The following WDR70 variants were observed in gnomAD, a reference collection of about 807,000 sequenced individuals.
The protein encoded by WDR70 is WD repeat domain 70.
Under a neutral mutation model 88.6 loss-of-function variants are expected in WDR70, and 53 were observed. The ratio of observed to expected loss-of-function variants is 0.60; its 90% confidence interval spans 0.48 to 0.75. WDR70 has a LOEUF of 0.75. Ranked by LOEUF, WDR70 falls within the 30% of genes least tolerant of loss-of-function variation. The probability of loss-of-function intolerance (pLI) is 0.00; values close to 1 mark genes in which losing one functional copy is unlikely to be tolerated. For synonymous variants in WDR70, 280 were observed against 270.0 expected (o/e 1.04, Z -0.36); for missense variants, 610 against 823.2 (o/e 0.74, Z 3.17).
At chr5:37,655,151 A>C (rs999888206) in intron 10 of WDR70, among the ~76,000 whole-genome samples, 1 of 152,110 alleles carries the variant, frequency 6.6e-6, no homozygotes, top group Non-Finnish European at 1.5e-5. Flanking sequence ...TGGTGACAGA[A>C]TCTCTCAGCT....
At chr5:37,453,330 A>G (rs1738732445) in intron 7 of WDR70, among the ~76,000 whole-genome samples, 1 of 152,210 alleles carries the variant, frequency 6.6e-6, no homozygotes, top group African/African-American at 2.4e-5. Context: ...ACAGCAAGCC[A>G]GTCATTAGCA....
chr5:37,585,963 A>C (rs1479651970), intron 9 of WDR70, among the ~76,000 whole-genome samples: 1 of 152,122 alleles, frequency 6.6e-6, no homozygotes, highest in Non-Finnish European at 1.5e-5. Context: ...CTACCCCTCA[A>C]GTTGTAACTA....
At chr5:37,450,476 A>T (rs1738641541) in intron 7 of WDR70, among the ~76,000 whole-genome samples, 1 of 152,146 alleles carries the variant, frequency 6.6e-6, no homozygotes, top group African/African-American at 2.4e-5. Flanking sequence ...GTTCATACTG[A>T]TGTTCTAACT....
At chr5:37,592,512 G>T (rs1217439409) in intron 9 of WDR70, among the ~76,000 whole-genome samples, 1 of 152,212 alleles carries the variant, frequency 6.6e-6, no homozygotes, top group Non-Finnish European at 1.5e-5. Context: ...ACCAGAATAC[G>T]TGTATCAACT....
intron 2 of WDR70, among the ~76,000 whole-genome samples, chr5:37,381,393 G>A (rs1294768524): frequency 6.6e-6 from 1 of 152,308 alleles, no homozygotes; most frequent in East Asian, 1.9e-4. Context: ...AGGAGGATGG[G>A]AAAGTTGCCT....
intron 9 of WDR70, among the ~76,000 whole-genome samples, chr5:37,604,332 A>G (rs2112474457): frequency 6.6e-6 from 1 of 152,362 alleles, no homozygotes; most frequent in Middle Eastern, 3.4e-3. Flanking sequence ...ATGTTGTTCC[A>G]TAGTGGTTAG....
intron 10 of WDR70, among the ~76,000 whole-genome samples, chr5:37,681,868 A>G (rs1311926875): frequency 6.6e-6 from 1 of 152,084 alleles, no homozygotes; most frequent in African/African-American, 2.4e-5. Context: ...ATGTTCATCA[A>G]GGATATTGGC....
chr5:37,566,364 A>T (rs998848625), intron 9 of WDR70, among the ~76,000 whole-genome samples: 1 of 152,106 alleles, frequency 6.6e-6, no homozygotes. Flanking sequence ...TTAATTACCC[A>T]GTATTATTTA....
Position 37,659,343 on chromosome 5 carries a change from ATG to A in WDR70, c.1093-38310_1093-38309del, listed in dbSNP as rs374492872. Among the ~76,000 whole-genome samples the A allele has an allele frequency of 1.4e-4, 22 of 152,152 alleles. 2 individuals are homozygous for A. The highest frequency in any genetic ancestry group is 4.3e-4 in the African/African-American group (18 of 41,550). On this transcript the variant is annotated intron_variant, in intron 10 of 17. Transcript: ENST00000265107. ...TTGATACAGATTTTTATTTAATTCC[ATG>A]TTTTTGATATTCTTGAAAATAGTAT...
At chr5:37,396,621 G>A (rs1366142847) in intron 5 of WDR70, 51 bp downstream of exon 5, 9 of 1,514,746 alleles carry the variant, frequency 5.9e-6, no homozygotes, top group Non-Finnish European at 7.0e-6. Flanking sequence ...TATCTTTACT[G>A]TAGAGATCAG....
intron 14 of WDR70, chr5:37,721,965 A>C (rs552516464): frequency 6.6e-6 from 1 of 152,288 alleles, no homozygotes; most frequent in East Asian, 1.9e-4. Context: ...TTAAGGTCCC[A>C]CATCCTTTGA....
chr5:37,528,643 A>C (rs1263777040), intron 9 of WDR70, among the ~76,000 whole-genome samples: 1 of 151,782 alleles, frequency 6.6e-6, no homozygotes, highest in Non-Finnish European at 1.5e-5. Context: ...AAAAACTATT[A>C]ATGTTTTTAG....
rs1748846914 is a variant in WDR70 at position 37,752,579 on chromosome 5, C to G, written c.*6C>G. On this transcript the variant is annotated 3_prime_UTR_variant, in exon 18 of 18. Coordinates refer to ENST00000265107, the MANE Select transcript of WDR70 (RefSeq NM_018034.4). ...GGAAAAAACGTAAAATTTGAAGAAT[C>G]TCATTTGAGAGCTGTTTGCATGAGT... is the stretch of plus-strand genomic sequence containing the variant. 4 of 1,605,870 alleles carry G rather than the reference C, an allele frequency of 2.5e-6. No homozygotes were observed. In the East Asian group the frequency reaches 6.7e-5, roughly 27 times the overall value.
chr5:37,685,419 A>G (rs768594176), intron 10 of WDR70, among the ~76,000 whole-genome samples: 1 of 152,050 alleles, frequency 6.6e-6, no homozygotes, highest in Non-Finnish European at 1.5e-5. Flanking sequence ...CTGGTCAGGC[A>G]TGGTCTGCCA....
At chr5:37,645,706 C>T (rs1745214340) in intron 10 of WDR70, among the ~76,000 whole-genome samples, 1 of 152,042 alleles carries the variant, frequency 6.6e-6, no homozygotes, top group Admixed American at 6.5e-5. Context: ...TGAATTGACC[C>T]CTTTATCATT....
intron 10 of WDR70, among the ~76,000 whole-genome samples, chr5:37,610,340 A>G (rs1176636541): frequency 6.6e-6 from 1 of 152,118 alleles, no homozygotes; most frequent in Non-Finnish European, 1.5e-5. Context: ...GAAAGCATAA[A>G]ATAGTAGATA....
intron 9 of WDR70, among the ~76,000 whole-genome samples, chr5:37,586,095 A>T (rs898989254): frequency 6.6e-6 from 1 of 152,180 alleles, no homozygotes; most frequent in African/African-American, 2.4e-5. Context: ...CATATCATTT[A>T]GGAGCCAAAT....
At chr5:37,738,029 T>TAAA (rs56082932) in intron 17 of WDR70, among the ~76,000 whole-genome samples, 7 of 142,220 alleles carry the variant, frequency 4.9e-5, no homozygotes, top group Middle Eastern at 3.7e-3. Flanking sequence ...GCCTAATATT[T>TAAA]AAAAAAAAAA....
chr5:37,511,472 G>T (rs369575980), intron 8 of WDR70, among the ~76,000 whole-genome samples: 1 of 150,840 alleles, frequency 6.6e-6, no homozygotes, highest in Admixed American at 6.6e-5. Flanking sequence ...AATGTTCCAC[G>T]TTCATCTTGC....
Sources: gnomAD v4.1 joint callset for allele counts (sites outside exome capture counted in the v4.1 genomes callset) on GRCh38, gnomAD v4.1.1 for gene constraint, MANE v1.5 for transcripts, NCBI Gene and HGNC (gene_info 2026-07-23, HGNC 2026-07-21) for gene names.